The following PKNOX1 variants were observed in gnomAD, a reference collection of about 807,000 sequenced individuals.
PKNOX1 encodes the protein homeobox protein PKNOX1.
A neutral mutation model predicts 51.9 loss-of-function variants in PKNOX1; 15 were observed. The observed-to-expected ratio is 0.29, with a 90% CI of 0.19 to 0.45. PKNOX1 has a LOEUF of 0.45. Ranked by LOEUF, PKNOX1 falls within the 20% of genes least tolerant of loss-of-function variation. PKNOX1 has a pLI of 1.00. For synonymous variants in PKNOX1, 219 were observed against 211.1 expected (o/e 1.04, Z -0.32); for missense variants, 462 against 547.5 (o/e 0.84, Z 1.56).
At chr21:43,022,438 T>C (rs1431351006) in intron 8 of PKNOX1, among the ~76,000 whole-genome samples, 2 of 152,192 alleles carry the variant, frequency 1.3e-5, no homozygotes, top group African/African-American at 2.4e-5. Context: ...TGGGAGTGAC[T>C]GGCCTGAGGG....
intron 1 of PKNOX1, among the ~76,000 whole-genome samples, chr21:42,983,527 C>T (rs1017242027): frequency 2.0e-5 from 3 of 152,102 alleles, no homozygotes; most frequent in Non-Finnish European, 4.4e-5. Flanking sequence ...TTTTGTTTAT[C>T]CATCCCTCAA....
chr21:42,984,947 A>G (rs1459590859), intron 1 of PKNOX1, among the ~76,000 whole-genome samples: 2 of 148,040 alleles, frequency 1.4e-5, no homozygotes, highest in African/African-American at 5.0e-5. Context: ...CCTTGCCTCC[A>G]AGGGTTAGGG....
Position 42,984,974 on chromosome 21 carries a change from C to CTTT in PKNOX1, c.-57+10335_-57+10337dup, listed in dbSNP as rs71195904. On this transcript the variant is annotated intron_variant, in intron 1 of 10. Transcript: ENST00000291547. ...GGGTTAGGGTTCCTCATTTTCTTTTCTTTTTTTTTTTTTTTTTTTTTTTTT... is the reference window on the plus strand; with the variant it reads ...GGGTTAGGGTTCCTCATTTTCTTTTCTTTTTTTTTTTTTTTTTTTTTTTTTTTT... Among the ~76,000 whole-genome samples the CTTT allele has an allele frequency of 2.1e-3, 124 of 57,994 alleles. 4 individuals are homozygous for CTTT. Among genetic ancestry groups the CTTT allele is most frequent in the Non-Finnish European group, 2.4e-3 (82 of 33,918 alleles). The allele number at this position is 57,994 out of a possible 152,430, so 38.0% of individuals were successfully genotyped here.
At chr21:42,978,550 C>A (rs2059010381) in intron 1 of PKNOX1, among the ~76,000 whole-genome samples, 2 of 143,258 alleles carry the variant, frequency 1.4e-5, no homozygotes, top group Non-Finnish European at 3.0e-5. Flanking sequence ...GTGGCGCGAT[C>A]TTGGCTCACT....
rs1449170936 is a variant in PKNOX1 at position 43,030,777 on chromosome 21, T to C, written c.*676T>C. 1 of 152,402 alleles carries C rather than the reference T, an allele frequency of 6.6e-6. No homozygotes were observed. The highest frequency in any genetic ancestry group is 6.5e-5 in the Admixed American group (1 of 15,290). 9.4% of individuals were successfully genotyped at this position (152,402 alleles called of 1,614,324 possible). A position where few individuals can be genotyped will look rare whatever the true frequency, so the allele number is the denominator to read the frequency against. On this transcript the variant is annotated 3_prime_UTR_variant, in exon 11 of 11. Transcript: ENST00000291547. The stretch of plus-strand genomic sequence containing the variant: ...AAATTTCTAGAGAAGAAACAATACA[T>C]GCTTGCTATTAATATTTCAATTTGG...
intron 1 of PKNOX1, among the ~76,000 whole-genome samples, chr21:42,975,521 G>C (rs1217333881): frequency 6.6e-6 from 1 of 152,236 alleles, no homozygotes; most frequent in East Asian, 1.9e-4. Context: ...CCTTGTGAGG[G>C]AAATCGTGTC....
At chr21:43,024,992 G>A (rs1335755445) in intron 9 of PKNOX1, 45 bp downstream of exon 9, 1 of 1,220,354 alleles carries the variant, frequency 8.2e-7, no homozygotes, top group African/African-American at 1.5e-5. Flanking sequence ...GCACGGTAGA[G>A]CACTTGGAAA....
At chr21:43,002,455 T>C (rs535025549) in intron 1 of PKNOX1, among the ~76,000 whole-genome samples, 21 of 133,888 alleles carry the variant, frequency 1.6e-4, no homozygotes, top group Admixed American at 8.7e-4. Context: ...CCCCATTGAC[T>C]GTGCCTCCTG....
chr21:42,988,094 C>T (rs2059065170), intron 1 of PKNOX1, among the ~76,000 whole-genome samples: 1 of 151,962 alleles, frequency 6.6e-6, no homozygotes, highest in African/African-American at 2.4e-5. Context: ...CACTCTGTCA[C>T]CCAGGCTGGA....
In PKNOX1 at chr21:43,022,582, G is replaced by A. The variant is rs114262249; in HGVS notation, c.849+1151G>A. Among the ~76,000 whole-genome samples, 25 of 152,248 alleles carry A rather than the reference G, an allele frequency of 1.6e-4. No individual in the cohort carries two copies. The South Asian group carries it at 3.9e-3, about 24-fold the overall frequency. On this transcript the variant is annotated intron_variant, in intron 8 of 10. Transcript: ENST00000291547. ...CTGGCCTCTTGGTCTCCACCGAGCC[G>A]CTTCCATGGGCATAAAAGGTAGCAA...
intron 6 of PKNOX1, 28 bp from the exon 7 acceptor site, chr21:43,018,105 G>C (rs561771805): frequency 1.9e-6 from 2 of 1,046,012 alleles, no homozygotes; most frequent in South Asian, 2.6e-5. Flanking sequence ...CTTAAAAGCA[G>C]CCTCATATTT....
In PKNOX1 at chr21:43,031,868, A is replaced by ATT; in HGVS notation, c.*1776_*1777dup. ...TCAAGTCTTTTGGGGAGAGAATGAC[A>ATT]TTTTTTTTTTGAGACAGAGTTTTGC... On this transcript the variant is annotated 3_prime_UTR_variant, in exon 11 of 11. Coordinates refer to ENST00000291547, the MANE Select transcript of PKNOX1 (RefSeq NM_004571.5). 1.2e-5 allele frequency: 2 copies of ATT among 164,354 alleles called. No homozygotes were observed. The highest frequency in any genetic ancestry group is 1.3e-5 in the Non-Finnish European group (1 of 74,986). The allele number at this position is 164,354 out of a possible 1,614,324, so 10.2% of individuals were successfully genotyped here.
chr21:43,033,115 A>G lies in PKNOX1; in HGVS notation c.*3014A>G, dbSNP rs2146305014. On this transcript the variant is annotated 3_prime_UTR_variant, in exon 11 of 11. Coordinates refer to ENST00000291547, the MANE Select transcript of PKNOX1 (RefSeq NM_004571.5). ...CATGTTGCTGTTATTCCTGCCCTGC[A>G]CCTGTGGAGCAGGAGTGGCAGGGCT... 6.6e-6 allele frequency: 1 copy of G among 152,272 alleles called. No individual in the cohort carries two copies. Among genetic ancestry groups the G allele is most frequent in the East Asian group, 1.9e-4 (1 of 5,184 alleles). 9.4% of individuals were successfully genotyped at this position (152,272 alleles called of 1,614,324 possible). A position where few individuals can be genotyped will look rare whatever the true frequency, so the allele number is the denominator to read the frequency against.
At chr21:43,010,268 C>G (rs776256402) in intron 4 of PKNOX1, 44 bp downstream of exon 4, 37 of 1,175,772 alleles carry the variant, frequency 3.1e-5, no homozygotes, top group Non-Finnish European at 4.3e-5. Flanking sequence ...AATGTGAAAT[C>G]TGTTCATGAA....
intron 9 of PKNOX1, 148 bp from the exon 10 acceptor site, chr21:43,028,554 C>T: frequency 4.2e-6 from 3 of 707,702 alleles, no homozygotes; most frequent in Non-Finnish European, 7.5e-6. Flanking sequence ...GCTGTTGAGT[C>T]CTCTTAAGTA....
intron 4 of PKNOX1, among the ~76,000 whole-genome samples, chr21:43,010,463 C>G (rs1979198025): frequency 6.6e-6 from 1 of 152,096 alleles, no homozygotes; most frequent in East Asian, 1.9e-4. Flanking sequence ...GTAGACACAT[C>G]TTACTGTATT....
intron 1 of PKNOX1, among the ~76,000 whole-genome samples, chr21:42,991,528 C>A (rs1356001013): frequency 6.6e-6 from 1 of 152,094 alleles, no homozygotes; most frequent in East Asian, 1.9e-4. Context: ...AGATTGAGAC[C>A]ATCCTGGCTA....
intron 1 of PKNOX1, among the ~76,000 whole-genome samples, chr21:42,978,404 G>T (rs390431): frequency 6.6e-6 from 1 of 151,802 alleles, no homozygotes; most frequent in African/African-American, 2.4e-5. Context: ...ATTTGTGTAT[G>T]TATTTTTTTA....
At chr21:43,020,975 G>A (rs892545413) in intron 7 of PKNOX1, among the ~76,000 whole-genome samples, 13 of 152,218 alleles carry the variant, frequency 8.5e-5, no homozygotes, top group African/African-American at 3.1e-4. Flanking sequence ...TGGGTGTGGT[G>A]ATGCGTGGCT....
Sources: allele counts gnomAD v4.1 joint callset (sites outside exome capture counted in the v4.1 genomes callset), GRCh38; gene constraint gnomAD v4.1.1; transcripts MANE v1.5; gene names NCBI Gene and HGNC (gene_info 2026-07-23, HGNC 2026-07-21).